The following TUBB3 variants were observed in gnomAD, a reference collection of about 807,000 sequenced individuals.
TUBB3 encodes tubulin beta 3 class III, also known as tubulin beta-3 chain.
Under a neutral mutation model 37.8 loss-of-function variants are expected in TUBB3, and 17 were observed. The ratio of observed to expected loss-of-function variants is 0.45; its 90% confidence interval spans 0.31 to 0.67. The LOEUF (loss-of-function observed/expected upper bound fraction) is 0.67. TUBB3 is among the 30% of genes least tolerant of loss of function. TUBB3 has a pLI of 0.07. For missense variants in TUBB3, 262 were observed against 657.9 expected (o/e 0.40, Z 6.58); for synonymous variants, 332 against 278.9 (o/e 1.19, Z -1.90).
rs1017372667 is a variant in TUBB3 at position 89,935,870 on chromosome 16, C to G, written c.*66C>G. On this transcript the variant is annotated 3_prime_UTR_variant, in exon 4 of 4. Transcript: ENST00000315491. ...GCCGAAGCCAGCAGTGTCTAAACCCCCGGAGCCATCTTGCTGCCGACACCC... is the reference window on the plus strand; with the variant it reads ...GCCGAAGCCAGCAGTGTCTAAACCCGCGGAGCCATCTTGCTGCCGACACCC... 2 of 1,538,624 alleles carry G rather than the reference C, an allele frequency of 1.3e-6. No individual in the cohort carries two copies. The highest frequency in any genetic ancestry group is 1.4e-5 in the African/African-American group (1 of 72,836).
chr16:89,933,450 G>A lies in TUBB3; in HGVS notation c.167-18G>A, dbSNP rs747926616. On this transcript the variant is annotated intron_variant, in intron 2 of 3. Coordinates refer to ENST00000315491, the MANE Select transcript of TUBB3 (RefSeq NM_006086.4). ...GGCCCTCTGTGACCCGAATCACCGAGCCCCTCTCTCCCCTCAGCTCACAAG... is the reference window on the plus strand; with the variant it reads ...GGCCCTCTGTGACCCGAATCACCGAACCCCTCTCTCCCCTCAGCTCACAAG... 5.0e-6 allele frequency: 8 copies of A among 1,599,256 alleles called. No homozygotes were observed. Among genetic ancestry groups the A allele is most frequent in the Non-Finnish European group, 6.9e-6 (8 of 1,166,564 alleles).
chr16:89,922,704 G>A (rs959087742), upstream of TUBB3: 5 of 152,268 alleles, frequency 3.3e-5, no homozygotes, highest in African/African-American at 1.2e-4. Context: ...TGGTGGAGGA[G>A]GTCGGGTGCC....
At chr16:89,927,863 C>T (rs763779289) in intron 1 of TUBB3, among the ~76,000 whole-genome samples, 4 of 152,214 alleles carry the variant, frequency 2.6e-5, no homozygotes, top group Admixed American at 6.5e-5. Flanking sequence ...ATGTGTTACT[C>T]TCTCCACCCC....
At chr16:89,929,947 GCCTCAGCCTC>G (rs1298379586) in intron 1 of TUBB3, among the ~76,000 whole-genome samples, 1 of 151,324 alleles carries the variant, frequency 6.6e-6, no homozygotes, top group Non-Finnish European at 1.5e-5. Context: ...ATGATCCACT[GCCTCAGCCTC>G]CCAAAGTACT....
chr16:89,930,014 C>CCCTTCCTT (rs59751572), intron 1 of TUBB3, among the ~76,000 whole-genome samples: 6,174 of 141,510 alleles, frequency 0.044, 129 homozygotes, highest in Non-Finnish European at 0.055. Context: ...CAGTTTTCTC[C>CCCTTCCTT]CCTTCCTTCC....
chr16:89,932,537 G>T, intron 1 of TUBB3, 34 bp from the exon 2 acceptor site: 1 of 1,580,510 alleles, frequency 6.3e-7, no homozygotes, highest in Non-Finnish European at 8.7e-7. Context: ...GCTATGGGCC[G>T]GTGCCGACCC....
intron 1 of TUBB3, among the ~76,000 whole-genome samples, chr16:89,928,759 C>T (rs1282401499): frequency 6.6e-6 from 1 of 151,948 alleles, no homozygotes; most frequent in Non-Finnish European, 1.5e-5. Flanking sequence ...CTCCTGACCT[C>T]ATGATCCGCC....
intron 1 of TUBB3, among the ~76,000 whole-genome samples, chr16:89,928,967 T>G (rs1042193485): frequency 1.4e-5 from 2 of 144,334 alleles, no homozygotes; most frequent in African/African-American, 5.2e-5. Flanking sequence ...CGGCCTTTTT[T>G]TTTTTTTTTT....
At chr16:89,928,279 C>G (rs553268144) in intron 1 of TUBB3, among the ~76,000 whole-genome samples, 1 of 151,566 alleles carries the variant, frequency 6.6e-6, no homozygotes, top group African/African-American at 2.4e-5. Flanking sequence ...TGGTCTTGAA[C>G]TCCTGGACTC....
Position 89,935,720 on chromosome 16 carries a change from G to A in TUBB3, c.1269G>A (p.Gln423=), listed in dbSNP as rs2030432116. 2 of 1,613,948 alleles carry A rather than the reference G, an allele frequency of 1.2e-6. No individual in the cohort carries two copies. The highest frequency in any genetic ancestry group is 1.7e-6 in the Non-Finnish European group (2 of 1,179,934). ...SNMNDLVSEY[Q]QYQDATAEEE... is the part of the protein sequence containing the mutation. Reference sequence around the variant, plus strand: ...TGAACGACCTGGTGTCCGAGTACCAGCAGTACCAGGACGCCACGGCCGAGG... The same window carrying A: ...TGAACGACCTGGTGTCCGAGTACCAACAGTACCAGGACGCCACGGCCGAGG... Residue 423 remains glutamine, a synonymous_variant, in exon 4 of 4, where the codon CAG becomes CAA. Transcript: ENST00000315491.
chr16:89,924,170 AC>A (rs1428498759), intron 1 of TUBB3, among the ~76,000 whole-genome samples: 1 of 152,138 alleles, frequency 6.6e-6, no homozygotes, highest in Non-Finnish European at 1.5e-5. Flanking sequence ...TGGAGGCTGC[AC>A]CGTGGCGCGC....
Position 89,923,357 on chromosome 16 carries a change from GGCCCGCCCGC to G in TUBB3, c.-39_-30del, listed in dbSNP as rs777536677. 4.2e-6 allele frequency: 6 copies of G among 1,432,122 alleles called. No homozygotes were observed. Among genetic ancestry groups the G allele is most frequent in the Admixed American group, 2.5e-5 (1 of 40,134 alleles). The allele number at this position is 1,432,122 out of a possible 1,614,324, so 88.7% of individuals were successfully genotyped here. A position where few individuals can be genotyped will look rare whatever the true frequency, so the allele number is the denominator to read the frequency against. Reference sequence around the variant, plus strand: ...GTCCCCGACCCTCAGCAGCCAGCCCGGCCCGCCCGCGCCCGTCCGCAGCCGCCCGCCAGAC... The same window carrying G: ...GTCCCCGACCCTCAGCAGCCAGCCCGGCCCGTCCGCAGCCGCCCGCCAGAC... On this transcript the variant is annotated 5_prime_UTR_variant, in exon 1 of 4. Transcript: ENST00000315491.
rs369541005 is a variant in TUBB3, at chr16:89,923,371, C to T, written c.-31C>T. On this transcript the variant is annotated 5_prime_UTR_variant, in exon 1 of 4. Transcript: ENST00000315491. ...GCAGCCAGCCCGGCCCGCCCGCGCC[C>T]GTCCGCAGCCGCCCGCCAGACGCGC... 12 of 1,451,104 alleles carry T rather than the reference C, an allele frequency of 8.3e-6. No homozygotes were observed. The highest frequency in any genetic ancestry group is 2.6e-5 in the South Asian group (2 of 75,968). 89.9% of individuals were successfully genotyped at this position (1,451,104 alleles called of 1,614,324 possible).
In TUBB3 at chr16:89,935,507, C is replaced by G; in HGVS notation, c.1056C>G (p.Ala352=). The G allele has an allele frequency of 6.2e-7, 1 of 1,614,208 alleles. No homozygotes were observed. Among genetic ancestry groups the G allele is most frequent in the Non-Finnish European group, 8.5e-7 (1 of 1,180,048 alleles). The change falls in exon 4 of 4, where the codon GCC becomes GCG. Residue 352 remains alanine, a synonymous_variant. Coordinates refer to ENST00000315491, the MANE Select transcript of TUBB3 (RefSeq NM_006086.4). ...VEWIPNNVKV[A]VCDIPPRGLK... is the part of the protein sequence containing the mutation. The stretch of plus-strand genomic sequence containing the variant: ...GGATCCCCAACAACGTGAAGGTGGC[C>G]GTGTGTGACATCCCGCCCCGCGGCC...
At chr16:89,933,147 C>G (rs528488269) in intron 2 of TUBB3, 1 of 620,894 alleles carries the variant, frequency 1.6e-6, no homozygotes, top group South Asian at 1.5e-5. Flanking sequence ...AGGCTGGTCT[C>G]GAACTCCTGG....
intron 1 of TUBB3, among the ~76,000 whole-genome samples, chr16:89,930,632 C>A (rs1199612301): frequency 6.6e-6 from 1 of 151,952 alleles, no homozygotes; most frequent in Admixed American, 6.6e-5. Context: ...CTCCTGACTT[C>A]CGGTGATCTG....
chr16:89,932,766 AC>A, intron 2 of TUBB3, 87 bp downstream of exon 2: 1 of 1,077,278 alleles, frequency 9.3e-7, no homozygotes, highest in Non-Finnish European at 1.4e-6. Context: ...ACCTGGACTC[AC>A]CAGCTCTCAG....
At chr16:89,926,246 C>G (rs958697151) in intron 1 of TUBB3, among the ~76,000 whole-genome samples, 1 of 152,164 alleles carries the variant, frequency 6.6e-6, no homozygotes, top group Non-Finnish European at 1.5e-5. Flanking sequence ...GCACCGCCTC[C>G]TCGCGGCTGC....
At chr16:89,930,452 C>T (rs191558710) in intron 1 of TUBB3, among the ~76,000 whole-genome samples, 3 of 152,056 alleles carry the variant, frequency 2.0e-5, no homozygotes, top group East Asian at 1.9e-4. Flanking sequence ...GAGACAGAGT[C>T]TCACTCTGTC....
Sources: allele counts gnomAD v4.1 joint callset (sites outside exome capture counted in the v4.1 genomes callset), GRCh38; gene constraint gnomAD v4.1.1; transcripts MANE v1.5; gene names NCBI Gene and HGNC (gene_info 2026-07-23, HGNC 2026-07-21).